SAMD8: variants seen among roughly 807,000 people sequenced by gnomAD.
SAMD8 encodes the protein sterile alpha motif domain containing 8.
Under a neutral mutation model 42.0 loss-of-function variants are expected in SAMD8, and 20 were observed. The ratio of observed to expected loss-of-function variants is 0.48; its 90% CI spans 0.34 to 0.69. SAMD8 has a LOEUF of 0.69. SAMD8 is among the 30% of genes least tolerant of loss of function. The pLI is 0.01. For synonymous variants in SAMD8, 162 were observed against 173.0 expected (o/e 0.94, Z 0.50); for missense variants, 328 against 511.6 (o/e 0.64, Z 3.46).
At chr10:75,145,513 T>C (rs975496711) in intron 1 of SAMD8, among the ~76,000 whole-genome samples, 3 of 152,192 alleles carry the variant, frequency 2.0e-5, no homozygotes, top group Non-Finnish European at 2.9e-5. Context: ...TCTTGAGCTT[T>C]TTGTGGGATG....
rs115075306 is a variant in SAMD8, at chr10:75,112,019, A to G, written c.-16+297A>G. On this transcript the variant is annotated intron_variant, in intron 1 of 5. Transcript: ENST00000542569. ...GCTTGGGGGCTTTTGAAAGCTGCGC[A>G]GTGGGGGAAAAAGATCGAAGGTCCT... Among the ~76,000 whole-genome samples, 530 of 152,298 alleles carry G rather than the reference A, an allele frequency of 3.5e-3. 2 individuals are homozygous for G. The highest frequency in any genetic ancestry group is 0.012 in the African/African-American group (506 of 41,576).
At chr10:75,161,278 T>C (rs1212637964) in intron 2 of SAMD8, among the ~76,000 whole-genome samples, 4 of 152,152 alleles carry the variant, frequency 2.6e-5, no homozygotes, top group African/African-American at 9.7e-5. Context: ...TAGCCAGACT[T>C]ATTTCTCATC....
intron 2 of SAMD8, among the ~76,000 whole-genome samples, chr10:75,163,376 A>G (rs1229012110): frequency 4.6e-5 from 7 of 152,128 alleles, no homozygotes; most frequent in African/African-American, 7.2e-5. Flanking sequence ...TGTTCGTTTC[A>G]GTCTCCTTCC....
intron 1 of SAMD8, among the ~76,000 whole-genome samples, chr10:75,127,919 A>G (rs1405645244): frequency 6.6e-6 from 1 of 152,194 alleles, no homozygotes; most frequent in Admixed American, 6.5e-5. Context: ...TTTCCCATTC[A>G]GTGCAGTTAA....
At chr10:75,111,359 C>G, upstream of SAMD8, 2 of 498,018 alleles carry the variant, frequency 4.0e-6, no homozygotes, top group South Asian at 1.1e-4. Context: ...GACGCATGCG[C>G]CCTCGGGCTC....
At chr10:75,137,882 A>G (rs894168445) in intron 1 of SAMD8, among the ~76,000 whole-genome samples, 1 of 152,208 alleles carries the variant, frequency 6.6e-6, no homozygotes, top group African/African-American at 2.4e-5. Flanking sequence ...TTTTATGTAT[A>G]GTTAACCACA....
chr10:75,112,174 C>T (rs1848785562), intron 1 of SAMD8, among the ~76,000 whole-genome samples: 1 of 152,092 alleles, frequency 6.6e-6, no homozygotes, highest in South Asian at 2.1e-4. Flanking sequence ...GGACTGGAGC[C>T]CTCTCATGGG....
intron 1 of SAMD8, among the ~76,000 whole-genome samples, chr10:75,149,182 T>C (rs1193245415): frequency 2.6e-5 from 4 of 152,176 alleles, no homozygotes; most frequent in Non-Finnish European, 5.9e-5. Flanking sequence ...TTTTGAGAAA[T>C]AGTGTTTTTT....
intron 1 of SAMD8, among the ~76,000 whole-genome samples, chr10:75,112,505 G>A (rs1347310229): frequency 6.6e-6 from 1 of 152,210 alleles, no homozygotes; most frequent in Non-Finnish European, 1.5e-5. Context: ...GGAAGGGGCG[G>A]TGTGAATCAC....
At chr10:75,115,292 C>CAA (rs1848851351) in intron 1 of SAMD8, among the ~76,000 whole-genome samples, 1 of 152,168 alleles carries the variant, frequency 6.6e-6, no homozygotes, top group South Asian at 2.1e-4. Context: ...AGGGCAAGAA[C>CAA]AGAGAAAGCC....
chr10:75,111,545 G>A (rs1848767513), upstream of SAMD8: 8 of 1,241,566 alleles, frequency 6.4e-6, no homozygotes, highest in Non-Finnish European at 7.0e-6. Flanking sequence ...CGGCGGCCGG[G>A]ACGATGCCTG....
chr10:75,120,334 C>T (rs1171055552), intron 1 of SAMD8, among the ~76,000 whole-genome samples: 11 of 152,144 alleles, frequency 7.2e-5, no homozygotes, highest in Non-Finnish European at 1.0e-4. Context: ...TGCAGTGGCA[C>T]GATCTCGGCT....
Position 75,111,715 on chromosome 10 carries a change from C to A in SAMD8, c.-23C>A. ...GTGGGTCCGGGGAGCCCGACTCGGACCGCGGAGGTGAGCGGGAGCTGAGGC... is the reference window on the plus strand; with the variant it reads ...GTGGGTCCGGGGAGCCCGACTCGGAACGCGGAGGTGAGCGGGAGCTGAGGC... On this transcript the variant is annotated 5_prime_UTR_variant, in exon 1 of 6. Coordinates refer to ENST00000542569, the MANE Select transcript of SAMD8 (RefSeq NM_001174156.2). 1 of 1,234,192 alleles carries A rather than the reference C, an allele frequency of 8.1e-7. No homozygotes were observed. The allele number at this position is 1,234,192 out of a possible 1,614,324, so 76.5% of individuals were successfully genotyped here.
intron 2 of SAMD8, among the ~76,000 whole-genome samples, chr10:75,154,677 T>TG (rs34614443): frequency 0.55 from 84,315 of 151,936 alleles, 25,274 homozygotes; most frequent in East Asian, 0.9. Context: ...GAGAATACCC[T>TG]GGGGTGTGGG....
At chr10:75,154,865 GAAATC>G (rs909251779) in intron 2 of SAMD8, among the ~76,000 whole-genome samples, 12 of 152,004 alleles carry the variant, frequency 7.9e-5, no homozygotes, top group African/African-American at 2.7e-4. Flanking sequence ...TTAAGAGAGA[GAAATC>G]AAATATTATT....
At position 75,176,801 on chromosome 10, in the gene SAMD8, C is replaced by T. The variant is rs1395305259; in HGVS notation, c.*109C>T. ...CTTAGATGCCTGGCTTATGTGTTGA[C>T]AAAGTAAAGTTTTCTGTTCTGAGCA... On this transcript the variant is annotated 3_prime_UTR_variant, in exon 6 of 6. Transcript: ENST00000542569. The surrounding 1 kb of genome is among the most constrained non-coding windows in gnomAD (Gnocchi z 4.3). The T allele has an allele frequency of 1.3e-6, 1 of 790,056 alleles. No individual in the cohort carries two copies. Among genetic ancestry groups the T allele is most frequent in the Non-Finnish European group, 2.0e-6 (1 of 510,330 alleles). 48.9% of individuals were successfully genotyped at this position (790,056 alleles called of 1,614,324 possible). A position where few individuals can be genotyped will look rare whatever the true frequency, so the allele number is the denominator to read the frequency against.
intron 1 of SAMD8, among the ~76,000 whole-genome samples, chr10:75,148,830 A>G (rs1038496439): frequency 6.6e-6 from 1 of 152,176 alleles, no homozygotes; most frequent in Non-Finnish European, 1.5e-5. Flanking sequence ...ATTCATTTGT[A>G]TTGATGTTTT....
upstream of SAMD8, among the ~76,000 whole-genome samples, chr10:75,109,574 A>G (rs1299197944): frequency 2.0e-5 from 3 of 152,176 alleles, no homozygotes; most frequent in Non-Finnish European, 4.4e-5. Flanking sequence ...GTAGAGATCC[A>G]GGGTGCAGAG....
At chr10:75,137,287 C>A (rs1398889061) in intron 1 of SAMD8, among the ~76,000 whole-genome samples, 1 of 152,128 alleles carries the variant, frequency 6.6e-6, no homozygotes, top group Admixed American at 6.5e-5. Flanking sequence ...TGCCTGTAAT[C>A]CCAGCACTTT....
Sources: gnomAD v4.1 joint callset for allele counts (sites outside exome capture counted in the v4.1 genomes callset) on GRCh38, gnomAD v4.1.1 for gene constraint, Gnocchi (gnomAD v3.1) non-coding constraint, MANE v1.5 for transcripts, NCBI Gene and HGNC (gene_info 2026-07-23, HGNC 2026-07-21) for gene names.